Variants in IGF2BP3 observed in about 807,000 individuals in gnomAD.
IGF2BP3 encodes insulin-like growth factor 2 mRNA-binding protein 3.
Under a neutral mutation model 73.8 loss-of-function variants are expected in IGF2BP3, and 9 were observed. That is an observed-to-expected ratio of 0.12 (90% confidence interval 0.07 to 0.21). The LOEUF is 0.21. Ranked by LOEUF, IGF2BP3 falls within the 10% of genes least tolerant of loss-of-function variation. The probability of loss-of-function intolerance (pLI) is 1.00; values close to 1 mark genes in which losing one functional copy is unlikely to be tolerated. For synonymous variants in IGF2BP3, 258 were observed against 256.7 expected (o/e 1.01, Z -0.05); for missense variants, 542 against 714.0 (o/e 0.76, Z 2.75).
At chr7:23,426,728 A>G (rs977383838) in intron 2 of IGF2BP3, among the ~76,000 whole-genome samples, 2 of 152,156 alleles carry the variant, frequency 1.3e-5, no homozygotes, top group African/African-American at 4.8e-5. Context: ...CATATTTGAG[A>G]GAGGCAATAT....
intron 12 of IGF2BP3, among the ~76,000 whole-genome samples, chr7:23,314,662 T>C (rs1783928229): frequency 6.6e-6 from 1 of 152,086 alleles, no homozygotes; most frequent in Non-Finnish European, 1.5e-5. Flanking sequence ...CCAAGCTCAC[T>C]AAAAGTCAAG....
intron 10 of IGF2BP3, 96 bp from the exon 11 acceptor site, chr7:23,319,350 G>A: frequency 6.9e-6 from 5 of 726,250 alleles, no homozygotes; most frequent in South Asian, 3.7e-5. Flanking sequence ...TCATGCAGTA[G>A]GAATACCAGG....
At position 23,469,812 on chromosome 7, in the gene IGF2BP3, C is replaced by CCGGG; in HGVS notation, c.175+123_175+124insCCCG. The CCGGG allele has an allele frequency of 2.2e-6, 1 of 461,042 alleles. No individual in the cohort carries two copies. The highest frequency in any genetic ancestry group is 3.4e-6 in the Non-Finnish European group (1 of 293,564). 28.6% of individuals were successfully genotyped at this position (461,042 alleles called of 1,614,324 possible). On this transcript the variant is annotated intron_variant, in intron 1 of 14. Transcript: ENST00000258729. This position sits in a 1 kb window ranked among gnomAD's most constrained non-coding sequence, Gnocchi z 6.1. The stretch of plus-strand genomic sequence containing the variant: ...CGGCCCCCACGCGCGTGGGTGTGGG[C>CCGGG]GCTCAGGCCTCACCCCCGCTCCCCC...
intron 2 of IGF2BP3, among the ~76,000 whole-genome samples, chr7:23,427,841 A>G (rs1289064397): frequency 3.9e-5 from 6 of 152,032 alleles, no homozygotes; most frequent in Non-Finnish European, 1.5e-5. Context: ...TCCCATCTCT[A>G]CTAAAAATAT....
chr7:23,340,331 A>T (rs1664419099), intron 10 of IGF2BP3, among the ~76,000 whole-genome samples: 1 of 152,192 alleles, frequency 6.6e-6, no homozygotes, highest in African/African-American at 2.4e-5. Context: ...GATGCTGCTG[A>T]CAGTAAAGGC....
chr7:23,406,037 A>T (rs1786818473), intron 3 of IGF2BP3, among the ~76,000 whole-genome samples: 1 of 151,842 alleles, frequency 6.6e-6, no homozygotes, highest in Admixed American at 6.6e-5. Context: ...TGTTGCAAAG[A>T]AATAAAAGCC....
chr7:23,323,921 G>A (rs1221851785), intron 10 of IGF2BP3, among the ~76,000 whole-genome samples: 2 of 151,838 alleles, frequency 1.3e-5, no homozygotes, highest in African/African-American at 4.8e-5. Flanking sequence ...ATTCAAAGCA[G>A]TGTGTAGAGG....
chr7:23,369,058 T>C (rs1055905372), intron 3 of IGF2BP3, among the ~76,000 whole-genome samples: 4 of 152,228 alleles, frequency 2.6e-5, no homozygotes, highest in African/African-American at 9.6e-5. Context: ...TGAAGTATTA[T>C]TGATCACTTC....
chr7:23,427,919 T>C (rs913455411), intron 2 of IGF2BP3, among the ~76,000 whole-genome samples: 4 of 151,632 alleles, frequency 2.6e-5, no homozygotes, highest in South Asian at 4.2e-4. Context: ...AGGCAGAGAA[T>C]TGCTTGAACC....
intron 3 of IGF2BP3, among the ~76,000 whole-genome samples, chr7:23,403,571 G>C (rs1053670348): frequency 6.6e-6 from 1 of 152,170 alleles, no homozygotes; most frequent in South Asian, 2.1e-4. Flanking sequence ...AAATGCGTAA[G>C]TGAACTTGCA....
intron 10 of IGF2BP3, among the ~76,000 whole-genome samples, chr7:23,333,676 T>C (rs1222177805): frequency 6.6e-6 from 1 of 152,174 alleles, no homozygotes; most frequent in African/African-American, 2.4e-5. Flanking sequence ...AAATGTCCTA[T>C]CCTGGAATGA....
At position 23,338,010 on chromosome 7, in the gene IGF2BP3, C is replaced by T. The variant is rs1037462137; in HGVS notation, c.1203+4054G>A. ...GAACTCTTCTCATGAAAAAGGAAAACGAATTTAAGCCATTTTTTTTTCTAG... is the reference window on the plus strand; with the variant it reads ...GAACTCTTCTCATGAAAAAGGAAAATGAATTTAAGCCATTTTTTTTTCTAG... On this transcript the variant is annotated intron_variant, in intron 10 of 14. Coordinates refer to ENST00000258729, the MANE Select transcript of IGF2BP3 (RefSeq NM_006547.3). 3.9e-5 allele frequency among the ~76,000 whole-genome samples: 6 copies of T among 151,922 alleles called. No individual in the cohort carries two copies. The South Asian group carries it at 6.2e-4, about 16-fold the overall frequency.
At chr7:23,346,169 G>T in intron 7 of IGF2BP3, 107 bp from the exon 8 acceptor site, 1 of 1,291,068 alleles carries the variant, frequency 7.7e-7, no homozygotes, top group Non-Finnish European at 1.1e-6. Context: ...CATCTGGGAA[G>T]CACTGTGTTA....
In IGF2BP3 at chr7:23,317,966, T is replaced by C. The variant is rs1784036588; in HGVS notation, c.1321-253A>G. The C allele has an allele frequency of 9.6e-6, 5 of 521,900 alleles. No homozygotes were observed. The Admixed American group carries it at 1.2e-4, about 13-fold the overall frequency. 32.3% of individuals were successfully genotyped at this position (521,900 alleles called of 1,614,324 possible). On this transcript the variant is annotated intron_variant, in intron 11 of 14. Coordinates refer to ENST00000258729, the MANE Select transcript of IGF2BP3 (RefSeq NM_006547.3). ...TGTCTCTCAGCTAATCCTCACCACG[T>C]CCTGATGAAGTAGTATTACCTCCAC...
chr7:23,455,039 T>C (rs975579948), intron 2 of IGF2BP3, among the ~76,000 whole-genome samples: 4 of 152,162 alleles, frequency 2.6e-5, no homozygotes, highest in African/African-American at 7.2e-5. Context: ...GCCAGACCCA[T>C]GCTTATAAAG....
At chr7:23,328,292 T>C (rs1784356563) in intron 10 of IGF2BP3, among the ~76,000 whole-genome samples, 2 of 152,278 alleles carry the variant, frequency 1.3e-5, no homozygotes, top group South Asian at 2.1e-4. Context: ...CACTGCAACC[T>C]CCACCTCCTG....
At chr7:23,361,844 G>T in intron 3 of IGF2BP3, 103 bp from the exon 4 acceptor site, 1 of 975,840 alleles carries the variant, frequency 1.0e-6, no homozygotes, top group Non-Finnish European at 1.5e-6. Context: ...ATGGAAAAGA[G>T]CCAAAAAATT....
intron 2 of IGF2BP3, among the ~76,000 whole-genome samples, chr7:23,426,195 CA>C (rs1397375765): frequency 1.3e-5 from 2 of 150,718 alleles, no homozygotes; most frequent in East Asian, 3.9e-4. Context: ...GGCATGGTGG[CA>C]CAGGCCTGTA....
intron 10 of IGF2BP3, among the ~76,000 whole-genome samples, chr7:23,340,996 C>T (rs1380925812): frequency 6.6e-6 from 1 of 151,844 alleles, no homozygotes; most frequent in African/African-American, 2.4e-5. Flanking sequence ...ATTACAGGCA[C>T]CTGCCACCAC....
Sources: allele counts gnomAD v4.1 joint callset (sites outside exome capture counted in the v4.1 genomes callset), GRCh38; gene constraint gnomAD v4.1.1; non-coding constraint Gnocchi (gnomAD v3.1); transcripts MANE v1.5; gene names NCBI Gene and HGNC (gene_info 2026-07-23, HGNC 2026-07-21).